The following SCOC variants were observed in gnomAD, a reference collection of about 807,000 sequenced individuals.
The protein encoded by SCOC is short coiled-coil protein, also known as short coiled coil protein.
Under a neutral mutation model 9.9 loss-of-function variants are expected in SCOC, and 7 were observed. That is an observed-to-expected ratio of 0.71 (90% CI 0.40 to 1.33). The LOEUF is 1.33. Ranked by LOEUF, SCOC falls within the 40% of genes most tolerant of loss-of-function variation. The pLI is 0.01. For missense variants in SCOC, 66 were observed against 89.7 expected (o/e 0.74, Z 1.07); for synonymous variants, 19 against 28.2 (o/e 0.67, Z 1.03).
intron 1 of SCOC, among the ~76,000 whole-genome samples, chr4:140,290,836 C>A (rs141148267): frequency 1.3e-5 from 2 of 152,034 alleles, no homozygotes; most frequent in Non-Finnish European, 2.9e-5. Context: ...AACAAACAAA[C>A]GAACAAACCC....
chr4:140,364,460 G>T (rs1234878085), intron 2 of SCOC, among the ~76,000 whole-genome samples: 1 of 152,120 alleles, frequency 6.6e-6, no homozygotes, highest in Non-Finnish European at 1.5e-5. Flanking sequence ...GCAGATCAAA[G>T]TGCCCTATTC....
At chr4:140,370,224 A>C (rs1727993323), upstream of SCOC, among the ~76,000 whole-genome samples, 1 of 152,024 alleles carries the variant, frequency 6.6e-6, no homozygotes, top group Non-Finnish European at 1.5e-5. Flanking sequence ...AGAGACAATA[A>C]TTTTTACTGT....
At chr4:140,293,784 T>A (rs1731545414) in intron 1 of SCOC, among the ~76,000 whole-genome samples, 1 of 152,148 alleles carries the variant, frequency 6.6e-6, no homozygotes, top group African/African-American at 2.4e-5. Flanking sequence ...ATCTGAGTGA[T>A]CCACTTCCAT....
At chr4:140,333,458 C>T (rs997682747) in intron 1 of SCOC, among the ~76,000 whole-genome samples, 1 of 151,982 alleles carries the variant, frequency 6.6e-6, no homozygotes, top group Non-Finnish European at 1.5e-5. Context: ...GCCTTCTCCA[C>T]CAAAAATGTA....
intron 2 of SCOC, among the ~76,000 whole-genome samples, chr4:140,364,849 T>C (rs1288642218): frequency 6.6e-6 from 1 of 152,170 alleles, no homozygotes; most frequent in Non-Finnish European, 1.5e-5. Context: ...GCTGTCAATG[T>C]GGTCTACTTG....
At chr4:140,348,623 C>T (rs1726846740) in intron 2 of SCOC, among the ~76,000 whole-genome samples, 1 of 151,812 alleles carries the variant, frequency 6.6e-6, no homozygotes, top group Non-Finnish European at 1.5e-5. Context: ...TGTCGACAGA[C>T]ATTTAGGTTG....
At chr4:140,340,914 C>T (rs1398723699), upstream of SCOC, among the ~76,000 whole-genome samples, 5 of 150,058 alleles carry the variant, frequency 3.3e-5, no homozygotes, top group East Asian at 2.0e-4. Context: ...GCCTCAGCCT[C>T]CTGAGTAGCT....
chr4:140,298,129 C>G (rs1377415912), intron 1 of SCOC, among the ~76,000 whole-genome samples: 7 of 152,142 alleles, frequency 4.6e-5, no homozygotes, highest in Admixed American at 4.6e-4. Flanking sequence ...CGTTCGCCAT[C>G]CATGCTGGCC....
In SCOC at chr4:140,350,962, G is replaced by A. The variant is rs191198474; in HGVS notation, c.70+7254G>A. On this transcript the variant is annotated intron_variant, in intron 2 of 4. Transcript: ENST00000338517. ...CCCAGCACTTTGGGAGGCTGAGGCC[G>A]GCAGATCGCCTGAGGTCAGGAGTTT... Among the ~76,000 whole-genome samples the A allele has an allele frequency of 1.6e-3, 240 of 151,978 alleles. 1 individual carries two copies. The highest frequency in any genetic ancestry group is 5.4e-3 in the African/African-American group (225 of 41,432).
intron 1 of SCOC, among the ~76,000 whole-genome samples, chr4:140,257,768 C>A (rs1348274069): frequency 2.6e-5 from 4 of 152,196 alleles, no homozygotes; most frequent in Admixed American, 2.6e-4. Context: ...AAGTGCCAGC[C>A]AGCATCATGA....
chr4:140,285,326 G>A, intron 1 of SCOC: 2 of 455,236 alleles, frequency 4.4e-6, no homozygotes, highest in South Asian at 3.1e-5. Context: ...AATTGTGGTA[G>A]AGCATATCTT....
chr4:140,305,391 A>T (rs979173046), intron 1 of SCOC, among the ~76,000 whole-genome samples: 1 of 152,332 alleles, frequency 6.6e-6, no homozygotes, highest in African/African-American at 2.4e-5. Flanking sequence ...AGCTGGAGGG[A>T]CAGAGGGAAG....
chr4:140,351,909 G>A (rs562277717), intron 2 of SCOC, among the ~76,000 whole-genome samples: 2 of 152,292 alleles, frequency 1.3e-5, no homozygotes, highest in Admixed American at 6.5e-5. Context: ...AAGGGAGCAG[G>A]CCTTTCTTTT....
intron 1 of SCOC, among the ~76,000 whole-genome samples, chr4:140,326,931 A>C (rs75852209): frequency 0.012 from 1,894 of 152,306 alleles, 33 homozygotes; most frequent in African/African-American, 0.044. Flanking sequence ...GTGGGCAGCC[A>C]TGATAAATGT....
At chr4:140,373,389 C>T, upstream of SCOC, 1 of 1,460,294 alleles carries the variant, frequency 6.8e-7, no homozygotes, top group Non-Finnish European at 9.0e-7. Flanking sequence ...CGCCGCTTAG[C>T]TTCGCTTCTT....
chr4:140,326,203 G>C (rs1732639866), intron 1 of SCOC, among the ~76,000 whole-genome samples: 2 of 152,096 alleles, frequency 1.3e-5, no homozygotes, highest in Admixed American at 6.6e-5. Context: ...TTCTACAAAG[G>C]GACTGGATGA....
At chr4:140,325,933 G>A (rs1031005132) in intron 1 of SCOC, among the ~76,000 whole-genome samples, 8 of 152,138 alleles carry the variant, frequency 5.3e-5, no homozygotes, top group Non-Finnish European at 1.0e-4. Context: ...CAGCTGCAAT[G>A]TCCTTCAGTA....
Position 140,287,242 on chromosome 4 carries a change from T to C in SCOC, c.-19+29832T>C, listed in dbSNP as rs201499050. Among the ~76,000 whole-genome samples, 106 of 150,866 alleles carry C rather than the reference T, an allele frequency of 7.0e-4. 2 individuals carry two copies. In the East Asian group the frequency reaches 0.018, roughly 26 times the overall value. On this transcript the variant is annotated intron_variant, in intron 1 of 4. Transcript: ENST00000394205. ...ACAGACCATGCACATACATACACCA[T>C]GTACACACATGCTAAATGCGCAAAT... is the stretch of plus-strand genomic sequence containing the variant.
chr4:140,373,696 C>T lies in SCOC; in HGVS notation c.-72C>T. The T allele has an allele frequency of 9.0e-6, 14 of 1,549,316 alleles. No individual in the cohort carries two copies. The highest frequency in any genetic ancestry group is 1.2e-5 in the Non-Finnish European group (14 of 1,146,858). On this transcript the variant is annotated 5_prime_UTR_variant, in exon 1 of 4. Coordinates refer to ENST00000608372, the MANE Select transcript of SCOC (RefSeq NM_001153484.2). ...TGAGGTGTCGGCCGGATCCCTCCTT[C>T]TCCCGGCGCCTCAAGCGGAAGGTGA...
Sources: gnomAD v4.1 joint callset for allele counts (sites outside exome capture counted in the v4.1 genomes callset) on GRCh38, gnomAD v4.1.1 for gene constraint, MANE v1.5 for transcripts, NCBI Gene and HGNC (gene_info 2026-07-23, HGNC 2026-07-21) for gene names.